Variants in RIPOR2 observed in about 807,000 individuals in gnomAD.
RIPOR2 encodes RHO family interacting cell polarization regulator 2.
In RIPOR2, 39 loss-of-function variants were observed where a neutral mutation model predicts 114.5. The ratio of observed to expected loss-of-function variants is 0.34; its 90% CI spans 0.26 to 0.44. The LOEUF (loss-of-function observed/expected upper bound fraction) is 0.44, where lower values mean the gene tolerates loss of function less well. Ranked by LOEUF, RIPOR2 falls within the 20% of genes least tolerant of loss-of-function variation. The pLI, the probability that RIPOR2 is intolerant of heterozygous loss-of-function variation, is 1.00. For missense variants in RIPOR2, 1,007 were observed against 1,255.1 expected (o/e 0.80, Z 2.99); for synonymous variants, 445 against 484.4 (o/e 0.92, Z 1.07).
chr6:25,020,898 C>T (rs1776289404), intron 1 of RIPOR2, among the ~76,000 whole-genome samples: 1 of 151,934 alleles, frequency 6.6e-6, no homozygotes, highest in African/African-American at 2.4e-5. Flanking sequence ...TCTCTGTTGC[C>T]CAGGCTAGAG....
intron 1 of RIPOR2, among the ~76,000 whole-genome samples, chr6:24,945,959 A>G (rs1454167303): frequency 1.3e-5 from 2 of 152,194 alleles, no homozygotes; most frequent in Non-Finnish European, 2.9e-5. Context: ...AGTAATATTC[A>G]TCCATGGATA....
intron 1 of RIPOR2, among the ~76,000 whole-genome samples, chr6:24,987,798 G>A (rs907710493): frequency 6.6e-6 from 1 of 152,176 alleles, no homozygotes; most frequent in African/African-American, 2.4e-5. Flanking sequence ...ATTTGTCAAT[G>A]TATTCAGTGT....
intron 1 of RIPOR2, chr6:25,015,654 A>G (rs1299361546): frequency 1.3e-5 from 2 of 152,274 alleles, no homozygotes; most frequent in East Asian, 3.9e-4. Context: ...AACTGATGCC[A>G]AATAGTATTA....
chr6:24,978,193 A>G (rs1412096858), intron 1 of RIPOR2, among the ~76,000 whole-genome samples: 1 of 152,094 alleles, frequency 6.6e-6, no homozygotes, highest in African/African-American at 2.4e-5. Context: ...TTTGTTTTTC[A>G]GGCCAGCTTA....
At chr6:24,937,612 T>A (rs1771889029), upstream of RIPOR2, among the ~76,000 whole-genome samples, 1 of 152,170 alleles carries the variant, frequency 6.6e-6, no homozygotes, top group South Asian at 2.1e-4. Flanking sequence ...TAAAGCTCTC[T>A]TTTGTGTGGT....
chr6:24,952,704 G>C (rs1772837835), intron 1 of RIPOR2, among the ~76,000 whole-genome samples: 1 of 152,200 alleles, frequency 6.6e-6, no homozygotes, highest in Non-Finnish European at 1.5e-5. Flanking sequence ...AATCATGGCT[G>C]TTTTAACAAA....
rs143695824 is a variant in RIPOR2 at position 24,954,668 on chromosome 6, G to A, written c.77-78851C>T. Among the ~76,000 whole-genome samples the A allele has an allele frequency of 4.1e-3, 627 of 151,902 alleles. 2 individuals carry two copies. The highest frequency in any genetic ancestry group is 0.013 in the African/African-American group (557 of 41,436). On this transcript the variant is annotated intron_variant, in intron 1 of 13. Transcript: ENST00000510784. ...TCACTATATTGCTCAGGCTGGTCTC[G>A]AACTCCTGAGCTCAAGTGATCCTTC...
intron 1 of RIPOR2, among the ~76,000 whole-genome samples, chr6:24,975,074 T>C (rs1255016177): frequency 6.6e-6 from 1 of 152,318 alleles, no homozygotes; most frequent in East Asian, 1.9e-4. Context: ...ATCATGGTGA[T>C]AGTAGTACAG....
chr6:24,987,156 C>T (rs73384131), intron 1 of RIPOR2, among the ~76,000 whole-genome samples: 2,820 of 152,214 alleles, frequency 0.019, 42 homozygotes, highest in African/African-American at 0.035. Context: ...GTCTTGAATG[C>T]CCAACTCTCA....
intron 1 of RIPOR2, among the ~76,000 whole-genome samples, chr6:24,945,730 A>T (rs1019429707): frequency 6.6e-6 from 1 of 152,212 alleles, no homozygotes; most frequent in African/African-American, 2.4e-5. Context: ...CAAGGCGATC[A>T]CTAAGAAAAT....
intron 1 of RIPOR2, among the ~76,000 whole-genome samples, chr6:24,953,116 C>T (rs1204722151): frequency 6.6e-6 from 1 of 152,084 alleles, no homozygotes; most frequent in African/African-American, 2.4e-5. Flanking sequence ...GGCGGATCAC[C>T]TGAGGTCAGG....
At chr6:24,808,164 G>T (rs1348651274) in intron 21 of RIPOR2, among the ~76,000 whole-genome samples, 1 of 152,208 alleles carries the variant, frequency 6.6e-6, no homozygotes, top group Non-Finnish European at 1.5e-5. Context: ...GCTGATATGA[G>T]CAGTGTGCAT....
At chr6:24,834,402 G>T (rs1008815932) in intron 15 of RIPOR2, among the ~76,000 whole-genome samples, 1 of 152,000 alleles carries the variant, frequency 6.6e-6, no homozygotes, top group African/African-American at 2.4e-5. Context: ...CTTCCAACAG[G>T]TTCTGTGCTC....
intron 15 of RIPOR2, 147 bp from the exon 16 acceptor site, chr6:24,832,538 A>T (rs1760769760): frequency 1.4e-6 from 1 of 710,372 alleles, no homozygotes; most frequent in African/African-American, 1.8e-5. Flanking sequence ...TCCTCATTCC[A>T]TGCCAGTTAC....
intron 1 of RIPOR2, among the ~76,000 whole-genome samples, chr6:25,008,050 T>C (rs1775629072): frequency 6.6e-6 from 1 of 152,142 alleles, no homozygotes; most frequent in African/African-American, 2.4e-5. Context: ...TAAAACTATT[T>C]TTATTAAAAT....
intron 13 of RIPOR2, chr6:24,840,390 T>A: frequency 8.5e-7 from 1 of 1,170,446 alleles, no homozygotes. Context: ...ATGGGAGCAA[T>A]CCCATTCTCT....
intron 1 of RIPOR2, among the ~76,000 whole-genome samples, chr6:24,899,861 G>A (rs143385535): frequency 1.4e-4 from 22 of 152,266 alleles, no homozygotes; most frequent in Middle Eastern, 3.4e-3. Context: ...CACTGATATG[G>A]CGTTATTTAT....
chr6:24,992,170 C>T (rs1774852872), intron 1 of RIPOR2, among the ~76,000 whole-genome samples: 1 of 152,162 alleles, frequency 6.6e-6, no homozygotes, highest in African/African-American at 2.4e-5. Context: ...CAAATGGTCA[C>T]AAAACAAGGT....
chr6:24,931,292 TTG>T (rs1044105575), intron 1 of RIPOR2, among the ~76,000 whole-genome samples: 7 of 151,752 alleles, frequency 4.6e-5, no homozygotes, highest in Admixed American at 3.3e-4. Context: ...ACAATTCTTT[TTG>T]TGTGTGTGTG....
Sources: allele counts gnomAD v4.1 joint callset (sites outside exome capture counted in the v4.1 genomes callset), GRCh38; gene constraint gnomAD v4.1.1; transcripts MANE v1.5; gene names NCBI Gene and HGNC (gene_info 2026-07-23, HGNC 2026-07-21).